GFRA2: variants seen among roughly 807,000 people sequenced by gnomAD.
GFRA2 encodes GDNF family receptor alpha-2.
GFRA2 carries 17 observed loss-of-function variants against 48.3 expected under a neutral mutation model. The observed-to-expected ratio is 0.35, with a 90% CI of 0.24 to 0.53. The LOEUF (loss-of-function observed/expected upper bound fraction) is 0.53. Among genes scored for constraint, GFRA2 ranks in the 20% least tolerant of loss-of-function variants. The pLI, the probability that GFRA2 is intolerant of heterozygous loss-of-function variation, is 0.93. For synonymous variants in GFRA2, 305 were observed against 257.2 expected, an observed-to-expected ratio of 1.19 and a Z score of -1.78; for missense variants, 660 against 637.3, an observed-to-expected ratio of 1.04 and a Z score of -0.38.
At chr8:21,719,376 C>T (rs1433868588) in intron 4 of GFRA2, among the ~76,000 whole-genome samples, 1 of 152,128 alleles carries the variant, frequency 6.6e-6, no homozygotes, top group Non-Finnish European at 1.5e-5. Context: ...AGCAGATGGG[C>T]AGATCCCCTT....
chr8:21,784,242 G>A (rs890484133), intron 1 of GFRA2: 14 of 454,120 alleles, frequency 3.1e-5, no homozygotes, highest in East Asian at 1.4e-4. Flanking sequence ...CACAGACATC[G>A]TCTTCCCAGT....
intron 7 of GFRA2, 134 bp from the exon 8 acceptor site, chr8:21,694,651 G>T: frequency 1.3e-6 from 1 of 790,572 alleles, no homozygotes; most frequent in Non-Finnish European, 2.1e-6. Flanking sequence ...GGTGAAGAGG[G>T]TAGCTCAATT....
chr8:21,761,467 A>G (rs1040435030), intron 3 of GFRA2, among the ~76,000 whole-genome samples: 5 of 152,200 alleles, frequency 3.3e-5, no homozygotes, highest in African/African-American at 1.2e-4. Flanking sequence ...TGGCTGGGCC[A>G]CTATCAGAGC....
intron 3 of GFRA2, among the ~76,000 whole-genome samples, chr8:21,759,469 G>A (rs143420729): frequency 0.27 from 29,186 of 108,298 alleles, 4,816 homozygotes; most frequent in East Asian, 0.38. Context: ...AGGGAGGGAG[G>A]GAGGGAAAGA....
intron 1 of GFRA2, among the ~76,000 whole-genome samples, chr8:21,810,746 G>A (rs1379230751): frequency 6.6e-6 from 1 of 152,176 alleles, no homozygotes; most frequent in African/African-American, 2.4e-5. Context: ...AGGAGTTGGT[G>A]CAGGCTTCTG....
At chr8:21,717,960 C>T (rs1200585871) in intron 4 of GFRA2, among the ~76,000 whole-genome samples, 1 of 152,236 alleles carries the variant, frequency 6.6e-6, no homozygotes, top group East Asian at 1.9e-4. Flanking sequence ...TCTAAAGTCA[C>T]ATTGACTGTG....
At chr8:21,743,359 A>G (rs766229060) in intron 4 of GFRA2, among the ~76,000 whole-genome samples, 3 of 152,176 alleles carry the variant, frequency 2.0e-5, no homozygotes, top group Non-Finnish European at 2.9e-5. Flanking sequence ...TCTGTGACTC[A>G]TCTCCCCTAA....
intron 4 of GFRA2, among the ~76,000 whole-genome samples, chr8:21,731,743 G>C (rs565224562): frequency 6.6e-6 from 1 of 152,210 alleles, no homozygotes; most frequent in South Asian, 2.1e-4. Flanking sequence ...ATGGAAGAAA[G>C]CTCCGAGAGG....
intron 4 of GFRA2, among the ~76,000 whole-genome samples, chr8:21,711,047 T>G (rs149508243): frequency 0.011 from 1,717 of 152,280 alleles, 22 homozygotes; most frequent in African/African-American, 0.039. Flanking sequence ...ACTGTCCCAC[T>G]CCAGCCATGA....
chr8:21,718,046 T>C (rs1350320492), intron 4 of GFRA2, among the ~76,000 whole-genome samples: 1 of 152,192 alleles, frequency 6.6e-6, no homozygotes, highest in African/African-American at 2.4e-5. Context: ...TTTCCTCATC[T>C]GCAAAATGGA....
intron 7 of GFRA2, among the ~76,000 whole-genome samples, chr8:21,698,458 C>A (rs773370466): frequency 4.6e-5 from 7 of 152,190 alleles, no homozygotes; most frequent in Non-Finnish European, 7.4e-5. Context: ...CTGCCTACCC[C>A]CGAAGCGCAG....
chr8:21,804,838 G>A (rs1054032711), intron 2 of GFRA2, among the ~76,000 whole-genome samples: 2 of 152,066 alleles, frequency 1.3e-5, no homozygotes, highest in Admixed American at 6.5e-5. Context: ...TTGGTGAATG[G>A]CCCCTACTGC....
rs534141332 is a variant in GFRA2 at position 21,740,772 on chromosome 8, A to G, written c.794+9816T>C. ...AGGCATCTCGAAATTAACATGCCCA[A>G]AATGGAACTCCTGATTTATCTCCCG... On this transcript the variant is annotated intron_variant, in intron 4 of 8. Coordinates refer to ENST00000524240, the MANE Select transcript of GFRA2 (RefSeq NM_001495.5). Among the ~76,000 whole-genome samples, 3 of 152,372 alleles carry G rather than the reference A, an allele frequency of 2.0e-5. No homozygotes were observed. In the South Asian group the frequency reaches 6.2e-4, roughly 32 times the overall value.
chr8:21,768,633 C>T (rs933135104), intron 3 of GFRA2, among the ~76,000 whole-genome samples: 7 of 152,218 alleles, frequency 4.6e-5, no homozygotes, highest in Admixed American at 2.6e-4. Flanking sequence ...CCCTAGACAC[C>T]GGCCGAGCAA....
Position 21,694,587 on chromosome 8 carries a change from T to C in GFRA2, c.1219-70A>G. On this transcript the variant is annotated intron_variant, in intron 7 of 8. Coordinates refer to ENST00000524240, the MANE Select transcript of GFRA2 (RefSeq NM_001495.5). Reference sequence around the variant, plus strand: ...CCTGGCTGGGCTTTGTCCAGAGACTTAGATGAGGCCCCGCCATGCACTGTT... The same window carrying C: ...CCTGGCTGGGCTTTGTCCAGAGACTCAGATGAGGCCCCGCCATGCACTGTT... 2.1e-6 allele frequency: 3 copies of C among 1,428,626 alleles called. No homozygotes were observed. In the South Asian group the frequency reaches 3.6e-5, roughly 17 times the overall value. 88.5% of individuals were successfully genotyped at this position (1,428,626 alleles called of 1,614,324 possible). A position where few individuals can be genotyped will look rare whatever the true frequency, so the allele number is the denominator to read the frequency against.
intron 4 of GFRA2, among the ~76,000 whole-genome samples, chr8:21,746,086 G>GCC (rs1398910627): frequency 6.6e-6 from 1 of 152,152 alleles, no homozygotes; most frequent in African/African-American, 2.4e-5. Context: ...TCGATGAAGA[G>GCC]CCCCCCAGGG....
At position 21,782,568 on chromosome 8, in the gene GFRA2, GC is replaced by G; in HGVS notation, c.355+16del. Reference sequence around the variant, plus strand: ...CGCCACACCCCCTCCCCTTGGGCAAGCCCCGCCCAGGCTTACCCTCGGTCAG... The same window carrying G: ...CGCCACACCCCCTCCCCTTGGGCAAGCCCGCCCAGGCTTACCCTCGGTCAG... On this transcript the variant is annotated intron_variant, in intron 2 of 8. Transcript: ENST00000524240. The G allele has an allele frequency of 6.5e-7, 1 of 1,547,520 alleles. No homozygotes were observed.
At chr8:21,803,424 A>G (rs1807806022) in intron 2 of GFRA2, among the ~76,000 whole-genome samples, 1 of 152,220 alleles carries the variant, frequency 6.6e-6, no homozygotes. Context: ...TGCATTTCAC[A>G]GAACTGGGGT....
chr8:21,779,309 C>T (rs1295743656), intron 2 of GFRA2, among the ~76,000 whole-genome samples: 1 of 152,222 alleles, frequency 6.6e-6, no homozygotes, highest in Non-Finnish European at 1.5e-5. Context: ...GCATCGTGCT[C>T]ATTTCCCTGG....
Sources: allele counts gnomAD v4.1 joint callset (sites outside exome capture counted in the v4.1 genomes callset), GRCh38; gene constraint gnomAD v4.1.1; transcripts MANE v1.5; gene names NCBI Gene and HGNC (gene_info 2026-07-23, HGNC 2026-07-21).